Variants in BABAM2 observed in about 807,000 individuals in gnomAD.
BABAM2 encodes the protein BRISC and BRCA1-A complex member 2.
BABAM2 carries 31 observed loss-of-function variants against 54.7 expected under a neutral mutation model. That is an observed-to-expected ratio of 0.57 (90% confidence interval 0.43 to 0.77). The LOEUF (loss-of-function observed/expected upper bound fraction) is 0.77, where lower values mean the gene tolerates loss of function less well. BABAM2 is among the 30% of genes least tolerant of loss of function. The pLI is 0.00. For synonymous variants in BABAM2, 167 were observed against 162.9 expected, an observed-to-expected ratio of 1.03 and a Z score of -0.19; for missense variants, 364 against 455.8, an observed-to-expected ratio of 0.80 and a Z score of 1.83.
chr2:28,316,881 G>C (rs1002456844), intron 11 of BABAM2, among the ~76,000 whole-genome samples: 1 of 152,210 alleles, frequency 6.6e-6, no homozygotes, highest in East Asian at 1.9e-4. Context: ...AAACAAGGGA[G>C]AATTCTGCCC....
rs72816494 is a variant in BABAM2 at position 28,183,743 on chromosome 2, A to T, written c.681-53459A>T. 1.2e-3 allele frequency among the ~76,000 whole-genome samples: 141 copies of T among 114,768 alleles called. 1 individual carries two copies. In the South Asian group the frequency reaches 0.045, roughly 37 times the overall value. 75.3% of individuals were successfully genotyped at this position (114,768 alleles called of 152,430 possible). A position where few individuals can be genotyped will look rare whatever the true frequency, so the allele number is the denominator to read the frequency against. On this transcript the variant is annotated intron_variant, in intron 7 of 11. Transcript: ENST00000379624. ...TATGTTACTTTTGGATGAAGATCAC[A>T]CACACACACACACACACACACACAC...
At chr2:28,171,131 C>A (rs1306534995) in intron 7 of BABAM2, among the ~76,000 whole-genome samples, 1 of 137,278 alleles carries the variant, frequency 7.3e-6, no homozygotes, top group African/African-American at 2.7e-5. Flanking sequence ...ATATATATAT[C>A]TTGGAGATTG....
intron 10 of BABAM2, among the ~76,000 whole-genome samples, chr2:28,282,183 G>T (rs773491945): frequency 2.0e-5 from 3 of 152,106 alleles, no homozygotes; most frequent in Non-Finnish European, 4.4e-5. Context: ...TTAAAACCCC[G>T]TAGATATAAC....
At position 28,322,886 on chromosome 2, in the gene BABAM2, C is replaced by G. The variant is rs1364746067; in HGVS notation, c.1089-15564C>G. On this transcript the variant is annotated intron_variant, in intron 11 of 11. Coordinates refer to ENST00000379624, the MANE Select transcript of BABAM2 (RefSeq NM_199191.3). This position sits in a 1 kb window ranked among gnomAD's most constrained non-coding sequence, Gnocchi z 4.1. ...AAGGCCTTGTATAAATGTAAATTAT[C>G]ATTATTGTCATTAAAGGGGCTAGAC... 1.3e-5 allele frequency among the ~76,000 whole-genome samples: 2 copies of G among 152,240 alleles called. No homozygotes were observed. The highest frequency in any genetic ancestry group is 4.8e-5 in the African/African-American group (2 of 41,458).
chr2:28,251,026 G>A (rs1683431558), intron 10 of BABAM2, among the ~76,000 whole-genome samples: 1 of 152,168 alleles, frequency 6.6e-6, no homozygotes, highest in African/African-American at 2.4e-5. Flanking sequence ...GATTGGGGCT[G>A]GGGTGGCAGT....
At chr2:27,894,934 G>A (rs1665170040) in intron 2 of BABAM2, 1 of 443,266 alleles carries the variant, frequency 2.3e-6, no homozygotes, top group African/African-American at 2.0e-5. Context: ...TTTTCTTTGT[G>A]AAGAGCATGC....
At chr2:28,208,066 T>TACACACAC (rs1558436923) in intron 7 of BABAM2, among the ~76,000 whole-genome samples, 1 of 141,576 alleles carries the variant, frequency 7.1e-6, no homozygotes. Flanking sequence ...TGTGTGTGTG[T>TACACACAC]ACACATGCGC....
At chr2:28,140,750 C>T (rs1328824152) in intron 7 of BABAM2, among the ~76,000 whole-genome samples, 2 of 152,016 alleles carry the variant, frequency 1.3e-5, no homozygotes, top group African/African-American at 2.4e-5. Flanking sequence ...CATACATACA[C>T]ACCTAACACG....
In BABAM2 at chr2:28,099,041, A is replaced by G. The variant is rs147648061; in HGVS notation, c.571-30230A>G. Reference sequence around the variant, plus strand: ...ATCTCTTGTTCACTCAGAAACCCACATAAGCCTTTCTCATAGGAAGATAAT... The same window carrying G: ...ATCTCTTGTTCACTCAGAAACCCACGTAAGCCTTTCTCATAGGAAGATAAT... On this transcript the variant is annotated intron_variant, in intron 6 of 11. Coordinates refer to ENST00000379624, the MANE Select transcript of BABAM2 (RefSeq NM_199191.3). Among the ~76,000 whole-genome samples the G allele has an allele frequency of 6.4e-4, 97 of 152,302 alleles. 1 individual carries two copies. Among genetic ancestry groups the G allele is most frequent in the African/African-American group, 2.2e-3 (93 of 41,572 alleles).
chr2:28,251,965 T>C (rs10173920), intron 10 of BABAM2, among the ~76,000 whole-genome samples: 98,094 of 151,950 alleles, frequency 0.65, 33,257 homozygotes, highest in East Asian at 0.99. Flanking sequence ...CCAAGGTGGG[T>C]AGATCACCTG....
chr2:28,157,238 A>G lies in BABAM2; in HGVS notation c.680+27858A>G, dbSNP rs188357619. ...ATCAAGTGCCTACTATATGAAGGTC[A>G]GATTACCAGTCCTGGAAAAACCTCA... On this transcript the variant is annotated intron_variant, in intron 7 of 11. Transcript: ENST00000379624. 9.8e-4 allele frequency among the ~76,000 whole-genome samples: 149 copies of G among 152,324 alleles called. 1 individual carries two copies. The highest frequency in any genetic ancestry group is 3.5e-3 in the African/African-American group (145 of 41,572).
rs561988934 is a variant in BABAM2 at position 28,152,322 on chromosome 2, A to G, written c.680+22942A>G. 3.3e-3 allele frequency among the ~76,000 whole-genome samples: 496 copies of G among 152,292 alleles called. 2 individuals are homozygous for G. The highest frequency in any genetic ancestry group is 0.011 in the African/African-American group (469 of 41,558). On this transcript the variant is annotated intron_variant, in intron 7 of 11. Transcript: ENST00000379624. ...CTGTGGAGTTTTCAGGGCCACTGCT[A>G]TCCTCTGGCAGCTTCTCAGCTCTTG...
Position 28,301,767 on chromosome 2 carries a change from C to T in BABAM2, c.1088+3276C>T, listed in dbSNP as rs149616897. Among the ~76,000 whole-genome samples the T allele has an allele frequency of 7.2e-3, 1,093 of 152,298 alleles. 10 individuals are homozygous for T. Among genetic ancestry groups the T allele is most frequent in the Middle Eastern group, 0.027 (8 of 294 alleles). Reference sequence around the variant, plus strand: ...CTAATCACATACTGCTTTGGAATCTCTTTGGTATTTTCTTTTAGTTCTTCA... The same window carrying T: ...CTAATCACATACTGCTTTGGAATCTTTTTGGTATTTTCTTTTAGTTCTTCA... On this transcript the variant is annotated intron_variant, in intron 11 of 11. Transcript: ENST00000379624.
chr2:28,112,805 CTAATT>C (rs1389724225), intron 6 of BABAM2, among the ~76,000 whole-genome samples: 2 of 152,172 alleles, frequency 1.3e-5, no homozygotes, highest in East Asian at 3.9e-4. Flanking sequence ...AATGGTTGAA[CTAATT>C]TACACTCTCA....
chr2:28,166,218 T>C lies in BABAM2; in HGVS notation c.680+36838T>C, dbSNP rs558685058. The stretch of plus-strand genomic sequence containing the variant: ...CTGTAGTACTTTGTTATGGCAGCCC[T>C]AGGAGGTGAATACACCAAGGTTTAA... On this transcript the variant is annotated intron_variant, in intron 7 of 11. Coordinates refer to ENST00000379624, the MANE Select transcript of BABAM2 (RefSeq NM_199191.3). Among the ~76,000 whole-genome samples the C allele has an allele frequency of 2.0e-5, 3 of 152,226 alleles. No individual in the cohort carries two copies. In the East Asian group the frequency reaches 5.8e-4, roughly 29 times the overall value.
At chr2:28,063,072 C>T (rs1185777101) in intron 6 of BABAM2, among the ~76,000 whole-genome samples, 1 of 152,170 alleles carries the variant, frequency 6.6e-6, no homozygotes, top group Non-Finnish European at 1.5e-5. Flanking sequence ...AGTGCAGTTC[C>T]CCTTCTGCCT....
chr2:28,198,216 T>G (rs998107354), intron 7 of BABAM2, among the ~76,000 whole-genome samples: 1 of 150,936 alleles, frequency 6.6e-6, no homozygotes, highest in Non-Finnish European at 1.5e-5. Context: ...CTGGATGGAG[T>G]GCAGTGGTAC....
At chr2:28,310,011 C>A in intron 11 of BABAM2, 1 of 1,473,296 alleles carries the variant, frequency 6.8e-7, no homozygotes, top group Non-Finnish European at 9.5e-7. Context: ...ATATAAATAA[C>A]GTGGAATTAT....
rs1486449386 is a variant in BABAM2 at position 28,304,406 on chromosome 2, A to T, written c.1088+5915A>T. 1.3e-5 allele frequency among the ~76,000 whole-genome samples: 2 copies of T among 149,738 alleles called. No individual in the cohort carries two copies. Among genetic ancestry groups the T allele is most frequent in the African/African-American group, 4.9e-5 (2 of 41,116 alleles). ...ATAAAAATATAAATATAAAATATTT[A>T]TAAATATATAAAAATATAAACAAAA... On this transcript the variant is annotated intron_variant, in intron 11 of 11. Transcript: ENST00000379624. The surrounding 1 kb of genome is among the most constrained non-coding windows in gnomAD (Gnocchi z 4.0).
Sources: gnomAD v4.1 joint callset for allele counts (sites outside exome capture counted in the v4.1 genomes callset) on GRCh38, gnomAD v4.1.1 for gene constraint, Gnocchi (gnomAD v3.1) non-coding constraint, MANE v1.5 for transcripts, NCBI Gene and HGNC (gene_info 2026-07-23, HGNC 2026-07-21) for gene names.